SAMSN1: variants seen among roughly 807,000 people sequenced by gnomAD.
SAMSN1 encodes the protein SAM domain, SH3 domain and nuclear localization signals 1.
SAMSN1 carries 31 observed loss-of-function variants against 42.0 expected under a neutral mutation model. That is an observed-to-expected ratio of 0.74 (90% confidence interval 0.55 to 1.00). The LOEUF is 1.00. SAMSN1 is among the 50% of genes least tolerant of loss of function. The probability of loss-of-function intolerance (pLI) is 0.00; values close to 1 mark genes in which losing one functional copy is unlikely to be tolerated. For synonymous variants in SAMSN1, 178 were observed against 151.9 expected, an observed-to-expected ratio of 1.17 and a Z score of -1.26; for missense variants, 464 against 439.4, an observed-to-expected ratio of 1.06 and a Z score of -0.50.
intron 7 of SAMSN1, chr21:14,591,551 C>T (rs1055173685): frequency 1.3e-5 from 2 of 152,078 alleles, no homozygotes; most frequent in African/African-American, 4.8e-5. Flanking sequence ...TCAATCTCAA[C>T]AGCAGGCCAA....
intron 5 of SAMSN1, among the ~76,000 whole-genome samples, chr21:14,609,202 C>T (rs9305396): frequency 0.017 from 2,575 of 152,032 alleles, 75 homozygotes; most frequent in African/African-American, 0.059. Context: ...TTTCAGTTTT[C>T]TTTTCAATTG....
At chr21:14,556,000 A>G (rs1400091978) in intron 2 of SAMSN1, among the ~76,000 whole-genome samples, 1 of 152,214 alleles carries the variant, frequency 6.6e-6, no homozygotes, top group African/African-American at 2.4e-5. Context: ...GATTGTACTG[A>G]TCAATAGACC....
At chr21:14,631,310 C>T (rs1055979079) in intron 2 of SAMSN1, among the ~76,000 whole-genome samples, 6 of 152,134 alleles carry the variant, frequency 3.9e-5, no homozygotes, top group African/African-American at 1.2e-4. Context: ...TTATTCTCAC[C>T]TGATAATTAA....
chr21:14,641,781 T>C (rs909620884), intron 2 of SAMSN1, among the ~76,000 whole-genome samples: 3 of 152,116 alleles, frequency 2.0e-5, no homozygotes, highest in Non-Finnish European at 4.4e-5. Flanking sequence ...GTAAAAGAAG[T>C]TTATATGTAT....
At chr21:14,523,284 T>A (rs949369606) in intron 1 of SAMSN1, 6 of 152,178 alleles carry the variant, frequency 3.9e-5, no homozygotes, top group African/African-American at 1.4e-4. Context: ...TGGCAAGGGG[T>A]TAGCTTGATA....
At chr21:14,641,330 AT>A (rs1256896535) in intron 2 of SAMSN1, among the ~76,000 whole-genome samples, 1 of 152,108 alleles carries the variant, frequency 6.6e-6, no homozygotes, top group Non-Finnish European at 1.5e-5. Flanking sequence ...TTGCTTTCTA[AT>A]TGCTCCAAGC....
chr21:14,622,860 C>T (rs1289369516), intron 2 of SAMSN1, among the ~76,000 whole-genome samples: 1 of 152,192 alleles, frequency 6.6e-6, no homozygotes, highest in Non-Finnish European at 1.5e-5. Context: ...ATGTTAAGGG[C>T]AGCCAGAGAG....
intron 2 of SAMSN1, among the ~76,000 whole-genome samples, chr21:14,578,688 A>G (rs1981588978): frequency 2.0e-3 from 1 of 504 alleles, no homozygotes; most frequent in Non-Finnish European, 6.2e-3. Context: ...ATCAAAAAAA[A>G]AAAAAAAAAA....
At chr21:14,506,975 ATTAG>A (rs1987440870) in intron 5 of SAMSN1, among the ~76,000 whole-genome samples, 1 of 152,216 alleles carries the variant, frequency 6.6e-6, no homozygotes, top group African/African-American at 2.4e-5. Context: ...CAGAAAAAGC[ATTAG>A]ACAAAATCCA....
At chr21:14,511,615 A>G (rs1317454921) in intron 4 of SAMSN1, among the ~76,000 whole-genome samples, 1 of 152,236 alleles carries the variant, frequency 6.6e-6, no homozygotes, top group Non-Finnish European at 1.5e-5. Context: ...AGTTGATTTA[A>G]AAGGAAATGG....
At chr21:14,633,324 A>G (rs1983380194) in intron 2 of SAMSN1, among the ~76,000 whole-genome samples, 1 of 152,174 alleles carries the variant, frequency 6.6e-6, no homozygotes, top group Non-Finnish European at 1.5e-5. Flanking sequence ...GCACTACCAA[A>G]AGGAAAGTAA....
intron 1 of SAMSN1, among the ~76,000 whole-genome samples, chr21:14,656,028 C>G (rs559129344): frequency 6.6e-6 from 1 of 151,742 alleles, no homozygotes; most frequent in East Asian, 1.9e-4. Flanking sequence ...AGCAAGATAT[C>G]ATAGAGAAAA....
chr21:14,529,910 T>C (rs1307106402), intron 1 of SAMSN1, among the ~76,000 whole-genome samples: 2 of 152,192 alleles, frequency 1.3e-5, no homozygotes, highest in Admixed American at 6.5e-5. Flanking sequence ...ACTAAAATAA[T>C]CACAGATTTT....
chr21:14,553,371 C>T (rs1428244062), intron 2 of SAMSN1, among the ~76,000 whole-genome samples: 2 of 152,122 alleles, frequency 1.3e-5, no homozygotes, highest in Non-Finnish European at 2.9e-5. Context: ...AATAAATACT[C>T]TGACAATTAT....
intron 2 of SAMSN1, among the ~76,000 whole-genome samples, chr21:14,622,853 T>A (rs1389794989): frequency 6.6e-6 from 1 of 152,134 alleles, no homozygotes; most frequent in African/African-American, 2.4e-5. Context: ...GGAAAAAATG[T>A]TAAGGGCAGC....
At chr21:14,499,169 C>A (rs1987032547) in intron 6 of SAMSN1, among the ~76,000 whole-genome samples, 1 of 152,100 alleles carries the variant, frequency 6.6e-6, no homozygotes, top group South Asian at 2.1e-4. Flanking sequence ...TAATTGGAAG[C>A]TTTTACTAAG....
At chr21:14,622,407 C>G (rs1446499122) in intron 2 of SAMSN1, among the ~76,000 whole-genome samples, 2 of 152,182 alleles carry the variant, frequency 1.3e-5, no homozygotes, top group African/African-American at 2.4e-5. Flanking sequence ...CTAGAATAAC[C>G]AGTGTAGAGA....
intron 2 of SAMSN1, among the ~76,000 whole-genome samples, chr21:14,569,911 T>A (rs919577749): frequency 6.6e-6 from 1 of 152,182 alleles, no homozygotes; most frequent in African/African-American, 2.4e-5. Context: ...CCTAACTTTT[T>A]TTTTTCTAAA....
At chr21:14,563,275 C>T (rs1368258814) in intron 2 of SAMSN1, among the ~76,000 whole-genome samples, 2 of 152,160 alleles carry the variant, frequency 1.3e-5, no homozygotes, top group East Asian at 1.9e-4. Flanking sequence ...CCATAACTGA[C>T]ACTGATGCCA....
Sources: gnomAD v4.1 joint callset for allele counts (sites outside exome capture counted in the v4.1 genomes callset) on GRCh38, gnomAD v4.1.1 for gene constraint, MANE v1.5 for transcripts, NCBI Gene and HGNC (gene_info 2026-07-23, HGNC 2026-07-21) for gene names.